RNF138: variants seen among roughly 807,000 people sequenced by gnomAD.
RNF138 encodes the protein ring finger protein 138.
Under a neutral mutation model 31.0 loss-of-function variants are expected in RNF138, and 12 were observed. The observed-to-expected ratio is 0.39, with a 90% CI of 0.25 to 0.63. RNF138 has a LOEUF of 0.63. RNF138 is among the 20% of genes least tolerant of loss of function. The pLI, the probability that RNF138 is intolerant of heterozygous loss-of-function variation, is 0.52. For missense variants in RNF138, 192 were observed against 300.1 expected (o/e 0.64, Z 2.66); for synonymous variants, 105 against 99.5 (o/e 1.06, Z -0.33).
At chr18:32,105,074 T>C (rs2040006575) in intron 2 of RNF138, among the ~76,000 whole-genome samples, 1 of 152,274 alleles carries the variant, frequency 6.6e-6, no homozygotes, top group East Asian at 1.9e-4. Flanking sequence ...AAATACAAAA[T>C]GAAAATTAAA....
At chr18:32,098,688 T>TA (rs369559489) in intron 2 of RNF138, among the ~76,000 whole-genome samples, 4,328 of 151,852 alleles carry the variant, frequency 0.029, 75 homozygotes, top group Non-Finnish European at 0.047. Flanking sequence ...CTGTCTCTAC[T>TA]AAAAATACAA....
chr18:32,120,323 C>T (rs570746635), intron 4 of RNF138, among the ~76,000 whole-genome samples: 1 of 152,164 alleles, frequency 6.6e-6, no homozygotes, highest in Admixed American at 6.5e-5. Context: ...GCTAGAGTTC[C>T]AGATATTCTG....
intron 4 of RNF138, among the ~76,000 whole-genome samples, chr18:32,118,532 T>A (rs1422345122): frequency 6.7e-6 from 1 of 150,142 alleles, no homozygotes; most frequent in Non-Finnish European, 1.5e-5. Context: ...AGACTCTTTC[T>A]CAAAAAATAA....
At chr18:32,121,557 T>G (rs1469886636) in intron 4 of RNF138, among the ~76,000 whole-genome samples, 1 of 152,240 alleles carries the variant, frequency 6.6e-6, no homozygotes, top group Non-Finnish European at 1.5e-5. Context: ...GCTGAAATTT[T>G]CATCCTCCCC....
chr18:32,120,578 G>T (rs954257090), intron 4 of RNF138, among the ~76,000 whole-genome samples: 5 of 152,138 alleles, frequency 3.3e-5, no homozygotes, highest in African/African-American at 1.2e-4. Context: ...GTCAGTAATT[G>T]ATTTTCTATT....
chr18:32,123,602 T>G (rs746433990), intron 5 of RNF138, 28 bp downstream of exon 5: 4 of 1,432,196 alleles, frequency 2.8e-6, no homozygotes, highest in South Asian at 2.5e-5. Context: ...CCTGCCACTT[T>G]AGCAAGTAAT....
intron 2 of RNF138, among the ~76,000 whole-genome samples, chr18:32,093,214 C>T (rs1371920037): frequency 1.3e-5 from 2 of 152,160 alleles, no homozygotes; most frequent in African/African-American, 2.4e-5. Context: ...GCCCCGGAGG[C>T]CCCTGTCGTC....
chr18:32,110,925 C>T (rs573299238), intron 2 of RNF138, among the ~76,000 whole-genome samples: 21 of 152,082 alleles, frequency 1.4e-4, no homozygotes, highest in African/African-American at 4.6e-4. Context: ...AAACTACAGG[C>T]GCCTGTCACC....
chr18:32,123,965 T>TAA (rs58803750), intron 5 of RNF138: 8,262 of 145,872 alleles, frequency 0.057, 340 homozygotes, highest in East Asian at 0.24. Context: ...AAATTAAACT[T>TAA]AAAAAAAAAA....
At position 32,092,000 on chromosome 18, in the gene RNF138, A is replaced by C. The variant is rs1414623124; in HGVS notation, c.-313A>C. ...GGCCGGGTAGGCTGTAGGCAGCGCA[A>C]TGCCAAGACAGAGCTGCTGGCGGCG... On this transcript the variant is annotated 5_prime_UTR_variant, in exon 1 of 8. The change abolishes an upstream ATG in the 5' untranslated region. Transcript: ENST00000261593. 6.6e-6 allele frequency: 1 copy of C among 152,544 alleles called. No homozygotes were observed. The highest frequency in any genetic ancestry group is 1.5e-5 in the Non-Finnish European group (1 of 68,326). 9.4% of individuals were successfully genotyped at this position (152,544 alleles called of 1,614,324 possible).
intron 4 of RNF138, among the ~76,000 whole-genome samples, chr18:32,117,868 A>G (rs192158925): frequency 6.6e-6 from 1 of 152,306 alleles, no homozygotes; most frequent in Non-Finnish European, 1.5e-5. Flanking sequence ...CTAACATAAG[A>G]TTATATATTT....
intron 2 of RNF138, among the ~76,000 whole-genome samples, chr18:32,102,509 T>A (rs1453734703): frequency 1.3e-5 from 2 of 151,664 alleles, no homozygotes; most frequent in Non-Finnish European, 2.9e-5. Context: ...CCCTTTTTTT[T>A]AGTTTCTTAT....
chr18:32,119,439 T>A (rs2040268823), intron 4 of RNF138, among the ~76,000 whole-genome samples: 2 of 152,066 alleles, frequency 1.3e-5, no homozygotes, highest in South Asian at 4.1e-4. Flanking sequence ...TATTTTATTT[T>A]TTTGAGACAG....
intron 2 of RNF138, among the ~76,000 whole-genome samples, chr18:32,104,133 C>T (rs547354121): frequency 6.6e-6 from 1 of 151,194 alleles, no homozygotes; most frequent in Admixed American, 6.6e-5. Flanking sequence ...AGTGACTTAG[C>T]CTCCCAAATA....
At chr18:32,119,184 C>T (rs2040263866) in intron 4 of RNF138, among the ~76,000 whole-genome samples, 1 of 152,172 alleles carries the variant, frequency 6.6e-6, no homozygotes. Flanking sequence ...TTCTACACAT[C>T]TCTGCATCCT....
At position 32,127,376 on chromosome 18, in the gene RNF138, C is replaced by T. The variant is rs144846953; in HGVS notation, c.669+576C>T. Among the ~76,000 whole-genome samples, 57 of 152,190 alleles carry T rather than the reference C, an allele frequency of 3.7e-4. 1 individual carries two copies. Among genetic ancestry groups the T allele is most frequent in the African/African-American group, 1.4e-3 (57 of 41,536 alleles). ...ATATACTTTTTTAATTAGGTGAAAA[C>T]CTGTTTTATTAATTATTAAATTGCA... is the stretch of plus-strand genomic sequence containing the variant. On this transcript the variant is annotated intron_variant, in intron 7 of 7. Transcript: ENST00000261593.
At chr18:32,111,118 C>G (rs1291340686) in intron 2 of RNF138, among the ~76,000 whole-genome samples, 1 of 152,208 alleles carries the variant, frequency 6.6e-6, no homozygotes, top group Non-Finnish European at 1.5e-5. Flanking sequence ...AAATTATGTT[C>G]CATTGCATAC....
intron 4 of RNF138, among the ~76,000 whole-genome samples, chr18:32,114,215 A>G (rs1598857232): frequency 6.6e-6 from 1 of 152,360 alleles, no homozygotes; most frequent in South Asian, 2.1e-4. Flanking sequence ...TTTGCAAACT[A>G]CAACCTGTTT....
chr18:32,107,981 A>G (rs759446683), intron 2 of RNF138, among the ~76,000 whole-genome samples: 3 of 151,584 alleles, frequency 2.0e-5, no homozygotes, highest in Non-Finnish European at 4.4e-5. Flanking sequence ...TAGCCTCCTG[A>G]GTAGCTGGGA....
Sources: gnomAD v4.1 joint callset for allele counts (sites outside exome capture counted in the v4.1 genomes callset) on GRCh38, gnomAD v4.1.1 for gene constraint, MANE v1.5 for transcripts, NCBI Gene and HGNC (gene_info 2026-07-23, HGNC 2026-07-21) for gene names.